The following COL6A1 variants were observed in gnomAD, a reference collection of about 807,000 sequenced individuals.
The protein encoded by COL6A1 is collagen type VI alpha 1 chain, also known as collagen alpha-1(VI) chain.
Under a neutral mutation model 145.6 loss-of-function variants are expected in COL6A1, and 80 were observed. That is an observed-to-expected ratio of 0.55 (90% CI 0.46 to 0.66). The LOEUF (loss-of-function observed/expected upper bound fraction) is 0.66. COL6A1 is among the 30% of genes least tolerant of loss of function. The probability of loss-of-function intolerance (pLI) is 0.00; values close to 1 mark genes in which losing one functional copy is unlikely to be tolerated. For missense variants in COL6A1, 1,364 were observed against 1,473.8 expected, an observed-to-expected ratio of 0.93 and a Z score of 1.22; for synonymous variants, 638 against 622.8, an observed-to-expected ratio of 1.02 and a Z score of -0.36.
In COL6A1 at chr21:45,981,793, C is replaced by G; in HGVS notation, c.-58C>G. On this transcript the variant is annotated 5_prime_UTR_variant, in exon 1 of 35. Transcript: ENST00000361866. Reference sequence around the variant, plus strand: ...GCAGAAGGCAGCCTCGGTCTCTGGGCGGCGGCGGCGGCCCACTCTGCCCTG... The same window carrying G: ...GCAGAAGGCAGCCTCGGTCTCTGGGGGGCGGCGGCGGCCCACTCTGCCCTG... 1 of 1,280,662 alleles carries G rather than the reference C, an allele frequency of 7.8e-7. No homozygotes were observed. The highest frequency in any genetic ancestry group is 1.1e-6 in the Non-Finnish European group (1 of 924,310). 79.3% of individuals were successfully genotyped at this position (1,280,662 alleles called of 1,614,324 possible). A position where few individuals can be genotyped will look rare whatever the true frequency, so the allele number is the denominator to read the frequency against.
intron 2 of COL6A1, among the ~76,000 whole-genome samples, chr21:45,983,833 ACT>A (rs1032649969): frequency 3.5e-5 from 4 of 113,914 alleles, no homozygotes; most frequent in African/African-American, 1.4e-4. Flanking sequence ...CGCCGTGGTC[ACT>A]CTGCTGAATG....
In COL6A1 at chr21:46,003,639, G is replaced by A. The variant is rs149331149; in HGVS notation, c.2713G>A (p.Asp905Asn). ...QNYTALASAV[D>N]AMDFINDATD... is the part of the protein sequence containing the mutation. ...CTACACGGCCCTGGCCAGTGCCGTC[G>A]ATGCCATGGACTTTATCAACGACGC... The change falls in exon 35 of 35, where the codon GAT becomes AAT. Residue 905 changes from aspartate (D) to asparagine (N), a missense_variant. Asp to Asn is a conservative substitution (Grantham distance 23). Around this residue, in one of 3 missense-constraint regions of COL6A1, gnomAD observed 938 missense variants for 1,003.8 expected, o/e 0.93. Coordinates refer to ENST00000361866, the MANE Select transcript of COL6A1 (RefSeq NM_001848.3). 19 of 1,613,036 alleles carry A rather than the reference G, an allele frequency of 1.2e-5. No individual in the cohort carries two copies. The highest frequency in any genetic ancestry group is 4.4e-5 in the South Asian group (4 of 91,086).
At chr21:46,000,302 C>T in intron 27 of COL6A1, 29 bp from the exon 28 acceptor site, 1 of 1,613,706 alleles carries the variant, frequency 6.2e-7, no homozygotes, top group Non-Finnish European at 8.5e-7. Context: ...CTGTCTATGG[C>T]CCCAGTACCC....
rs1405496178 is a variant in COL6A1 at position 45,987,007 on chromosome 21, T to G, written c.652T>G (p.Trp218Gly). ...CCGGCGCAACTTCACGGCGGCTGAC[T>G]GGGGCCAGAGCCGCGACGCAGAGGA... The part of the protein sequence containing the change: ...TYRRNFTAAD[W>G]GQSRDAEEAI... Residue 218 changes from tryptophan (W) to glycine (G), a missense_variant, in exon 5 of 35, where the codon TGG becomes GGG. Physicochemically the swap from Trp to Gly is radical, Grantham distance 184. Transcript: ENST00000361866. 1 of 1,551,464 alleles carries G rather than the reference T, an allele frequency of 6.4e-7. No homozygotes were observed. Among genetic ancestry groups the G allele is most frequent in the Non-Finnish European group, 8.7e-7 (1 of 1,148,082 alleles).
At chr21:46,001,224 TGC>T in intron 29 of COL6A1, 27 bp from the exon 30 acceptor site, 1 of 1,595,814 alleles carries the variant, frequency 6.3e-7, no homozygotes, top group East Asian at 2.2e-5. Flanking sequence ...GGGAGGGGCG[TGC>T]TCTGCTGACA....
Position 45,994,077 on chromosome 21 carries a change from TG to T in COL6A1, c.1336-88del. On this transcript the variant is annotated intron_variant, in intron 19 of 34. Coordinates refer to ENST00000361866, the MANE Select transcript of COL6A1 (RefSeq NM_001848.3). This position sits in a 1 kb window ranked among gnomAD's most constrained non-coding sequence, Gnocchi z 6.8. ...AGGCCGGAACAGCCCAGTGACCACC[TG>T]GACAGCATGCTGTGGCTCCCAGCGT... 1.5e-6 allele frequency: 2 copies of T among 1,338,718 alleles called. No individual in the cohort carries two copies. The highest frequency in any genetic ancestry group is 2.1e-6 in the Non-Finnish European group (2 of 953,496). 82.9% of individuals were successfully genotyped at this position (1,338,718 alleles called of 1,614,324 possible). A position where few individuals can be genotyped will look rare whatever the true frequency, so the allele number is the denominator to read the frequency against.
chr21:45,997,616 C>T (rs2077813189), intron 21 of COL6A1, 84 bp from the exon 22 acceptor site: 2 of 1,544,946 alleles, frequency 1.3e-6, no homozygotes, highest in Non-Finnish European at 1.8e-6. Context: ...CCGATGGGAC[C>T]TCTCCCGGCC....
intron 9 of COL6A1, 58 bp from the exon 10 acceptor site, chr21:45,989,550 G>A: frequency 1.9e-6 from 3 of 1,552,764 alleles, no homozygotes; most frequent in Non-Finnish European, 2.7e-6. Flanking sequence ...GGCTGGGTGG[G>A]ACTGGCCCCT....
rs1347640445 is a variant in COL6A1 at position 45,981,789 on chromosome 21, T to C, written c.-62T>C. 4.6e-6 allele frequency: 6 copies of C among 1,315,722 alleles called. No homozygotes were observed. The highest frequency in any genetic ancestry group is 2.1e-5 in the Admixed American group (1 of 48,380). The allele number at this position is 1,315,722 out of a possible 1,614,324, so 81.5% of individuals were successfully genotyped here. A position where few individuals can be genotyped will look rare whatever the true frequency, so the allele number is the denominator to read the frequency against. ...GGGAGCAGAAGGCAGCCTCGGTCTC[T>C]GGGCGGCGGCGGCGGCCCACTCTGC... is the stretch of plus-strand genomic sequence containing the variant. On this transcript the variant is annotated 5_prime_UTR_variant, in exon 1 of 35. Transcript: ENST00000361866.
Position 46,004,640 on chromosome 21 carries a change from T to C in COL6A1, c.*627T>C, listed in dbSNP as rs2077870848. 2.3e-6 allele frequency: 1 copy of C among 432,706 alleles called. No individual in the cohort carries two copies. 26.8% of individuals were successfully genotyped at this position (432,706 alleles called of 1,614,324 possible). On this transcript the variant is annotated 3_prime_UTR_variant, in exon 35 of 35. Transcript: ENST00000361866. ...CAAGGTCAGGAGGCCGTTGCAGACA[T>C]AAATCTCGGCGACTCGGCCCCGTCT... is the stretch of plus-strand genomic sequence containing the variant.
At chr21:46,002,116 C>G in intron 31 of COL6A1, 46 bp downstream of exon 31, 1 of 1,586,402 alleles carries the variant, frequency 6.3e-7, no homozygotes, top group Non-Finnish European at 8.6e-7. Flanking sequence ...TCGCCCCGAC[C>G]GCTGTTCCCA....
At chr21:45,998,060 CA>C in intron 22 of COL6A1, 60 bp from the exon 23 acceptor site, 1 of 1,586,640 alleles carries the variant, frequency 6.3e-7, no homozygotes, top group Non-Finnish European at 8.6e-7. Context: ...GGGCCTGTGC[CA>C]GCCAGTGGGT....
In COL6A1 at chr21:45,997,488, G is replaced by T; in HGVS notation, c.1461+5G>T. 6.2e-7 allele frequency: 1 copy of T among 1,603,436 alleles called. No individual in the cohort carries two copies. The highest frequency in any genetic ancestry group is 8.5e-7 in the Non-Finnish European group (1 of 1,177,210). ...GAGGGTCCCCCAGGGTCCGAGGTGAGTCCCACTCCCCACCCACACCCGCCC... is the reference window on the plus strand; with the variant it reads ...GAGGGTCCCCCAGGGTCCGAGGTGATTCCCACTCCCCACCCACACCCGCCC... On this transcript the variant is annotated splice_donor_5th_base_variant and intron_variant, in intron 21 of 34. Transcript: ENST00000361866.
chr21:46,002,453 G>T, intron 32 of COL6A1, 52 bp downstream of exon 32: 1 of 1,613,230 alleles, frequency 6.2e-7, no homozygotes, highest in East Asian at 2.2e-5. Flanking sequence ...CGCCCCGCCA[G>T]CCAGGGTGGC....
chr21:46,003,667 C>A lies in COL6A1; in HGVS notation c.2741C>A (p.Thr914Asn). Residue 914 changes from threonine to asparagine, a missense_variant, in exon 35 of 35, where the codon ACC becomes AAC. Around this residue, in one of 3 missense-constraint regions of COL6A1, gnomAD observed 938 missense variants for 1,003.8 expected, o/e 0.93. Transcript: ENST00000361866. ...GCCATGGACTTTATCAACGACGCCA[C>A]CGACGTCAACGATGCCCTGGGCTAT... ...VDAMDFINDA[T>N]DVNDALGYVT... 6.2e-7 allele frequency: 1 copy of A among 1,613,088 alleles called. No individual in the cohort carries two copies. Among genetic ancestry groups the A allele is most frequent in the Non-Finnish European group, 8.5e-7 (1 of 1,179,944 alleles).
At position 45,991,946 on chromosome 21, in the gene COL6A1, T is replaced by C. The variant is rs1603591597; in HGVS notation, c.1120-64T>C. 2.6e-6 allele frequency: 4 copies of C among 1,513,280 alleles called. No homozygotes were observed. The East Asian group carries it at 9.8e-5, about 37-fold the overall frequency. The allele number at this position is 1,513,280 out of a possible 1,614,324, so 93.7% of individuals were successfully genotyped here. A position where few individuals can be genotyped will look rare whatever the true frequency, so the allele number is the denominator to read the frequency against. ...TGGGTGAGAGGCCCTGGATGTGGCC[T>C]CTGATGGCTGCACCCCTGGTGCACA... On this transcript the variant is annotated intron_variant, in intron 15 of 34. Transcript: ENST00000361866.
At chr21:46,000,632 G>A (rs1176431113) in intron 28 of COL6A1, 127 bp from the exon 29 acceptor site, 3 of 1,387,498 alleles carry the variant, frequency 2.2e-6, no homozygotes. Context: ...GGAGGCCGGG[G>A]AAGGGGGGAG....
chr21:45,995,963 C>T (rs2077802748), intron 20 of COL6A1, among the ~76,000 whole-genome samples: 1 of 152,224 alleles, frequency 6.6e-6, no homozygotes, highest in South Asian at 2.1e-4. Flanking sequence ...CCTCCCTGCT[C>T]AGCCCTTGCC....
chr21:45,999,572 G>A (rs2077826325), intron 26 of COL6A1, 85 bp from the exon 27 acceptor site: 1 of 1,461,952 alleles, frequency 6.8e-7, no homozygotes, highest in Non-Finnish European at 9.5e-7. Context: ...TGAGGGGCAG[G>A]GCCCTGGGGG....
Sources: allele counts gnomAD v4.1 joint callset (sites outside exome capture counted in the v4.1 genomes callset), GRCh38; gene constraint gnomAD v4.1.1; regional missense constraint gnomAD v4.1.1; non-coding constraint Gnocchi (gnomAD v3.1); transcripts MANE v1.5; gene names NCBI Gene and HGNC (gene_info 2026-07-23, HGNC 2026-07-21).